SEMA6D: variants seen among roughly 807,000 people sequenced by gnomAD.
SEMA6D encodes the protein semaphorin-6D.
In SEMA6D, 35 loss-of-function variants were observed where a neutral mutation model predicts 106.6. That is an observed-to-expected ratio of 0.33 (90% CI 0.25 to 0.44). The LOEUF (loss-of-function observed/expected upper bound fraction) is 0.44. Ranked by LOEUF, SEMA6D falls within the 20% of genes least tolerant of loss-of-function variation. The pLI is 1.00. For missense variants in SEMA6D, 1,185 were observed against 1,345.9 expected (o/e 0.88, Z 1.87); for synonymous variants, 499 against 487.7 (o/e 1.02, Z -0.31).
At chr15:47,676,555 G>T (rs1193252951) in intron 4 of SEMA6D, among the ~76,000 whole-genome samples, 1 of 152,122 alleles carries the variant, frequency 6.6e-6, no homozygotes, top group African/African-American at 2.4e-5. Context: ...TACAATTTCT[G>T]CAATTTTACG....
chr15:47,392,966 G>A (rs1239758416), intron 1 of SEMA6D, among the ~76,000 whole-genome samples: 1 of 152,196 alleles, frequency 6.6e-6, no homozygotes, highest in Non-Finnish European at 1.5e-5. Context: ...GCACCTGCAT[G>A]TGGCATATTG....
At chr15:47,281,965 A>G (rs2035144414) in intron 1 of SEMA6D, among the ~76,000 whole-genome samples, 1 of 152,316 alleles carries the variant, frequency 6.6e-6, no homozygotes, top group Admixed American at 6.5e-5. Context: ...AGCTGAATCA[A>G]TTAATTCAGC....
intron 4 of SEMA6D, among the ~76,000 whole-genome samples, chr15:47,621,977 C>T (rs1301917145): frequency 6.6e-6 from 1 of 152,016 alleles, no homozygotes; most frequent in Non-Finnish European, 1.5e-5. Context: ...GTTGCTGTCT[C>T]CTAAAAGTGT....
chr15:47,246,241 G>C (rs1191814574), intron 1 of SEMA6D, among the ~76,000 whole-genome samples: 1 of 152,168 alleles, frequency 6.6e-6, no homozygotes, highest in African/African-American at 2.4e-5. Flanking sequence ...CAAGCAATTA[G>C]TGGGGAGCCA....
intron 18 of SEMA6D, among the ~76,000 whole-genome samples, chr15:47,769,859 C>T (rs1037346662): frequency 3.3e-5 from 5 of 151,798 alleles, no homozygotes; most frequent in African/African-American, 1.2e-4. Context: ...TAGTATGTTT[C>T]CTTAGACTGT....
chr15:47,396,568 A>C (rs1049177044), intron 1 of SEMA6D: 2 of 152,224 alleles, frequency 1.3e-5, no homozygotes, highest in African/African-American at 4.8e-5. Context: ...AGCATCCAGC[A>C]TGGGAGAAAG....
chr15:47,503,043 T>C (rs1427737315), intron 3 of SEMA6D, among the ~76,000 whole-genome samples: 1 of 152,230 alleles, frequency 6.6e-6, no homozygotes, highest in African/African-American at 2.4e-5. Context: ...GGTGTCCACT[T>C]TATTAACTAT....
intron 3 of SEMA6D, among the ~76,000 whole-genome samples, chr15:47,483,271 T>C (rs1400928528): frequency 1.3e-5 from 2 of 152,150 alleles, no homozygotes; most frequent in African/African-American, 4.8e-5. Context: ...TCACTAGCCA[T>C]AGACCCTTCA....
At chr15:47,592,214 G>A (rs923112208) in intron 3 of SEMA6D, among the ~76,000 whole-genome samples, 2 of 152,046 alleles carry the variant, frequency 1.3e-5, no homozygotes, top group Admixed American at 6.6e-5. Flanking sequence ...TTCATACTTC[G>A]TAGGCCACAA....
rs148015316 is a variant in SEMA6D at position 47,543,463 on chromosome 15, C to T, written c.-86-57402C>T. Among the ~76,000 whole-genome samples, 356 of 152,242 alleles carry T rather than the reference C, an allele frequency of 2.3e-3. 1 individual carries two copies. Among genetic ancestry groups the T allele is most frequent in the African/African-American group, 8.4e-3 (349 of 41,542 alleles). On this transcript the variant is annotated intron_variant, in intron 3 of 19. Transcript: ENST00000558014. ...GTAAGATGTGACTTTGCTCCTCATTCGCCTTCAGCCATGATTGTGAGGCCT... is the reference window on the plus strand; with the variant it reads ...GTAAGATGTGACTTTGCTCCTCATTTGCCTTCAGCCATGATTGTGAGGCCT...
chr15:47,427,249 TG>T (rs1262605525), intron 2 of SEMA6D, among the ~76,000 whole-genome samples: 1 of 152,074 alleles, frequency 6.6e-6, no homozygotes, highest in Non-Finnish European at 1.5e-5. Flanking sequence ...CAGAAGGTGT[TG>T]ATCAATAGAG....
intron 1 of SEMA6D, among the ~76,000 whole-genome samples, chr15:47,246,964 A>G (rs1453280932): frequency 1.3e-5 from 2 of 152,114 alleles, no homozygotes; most frequent in East Asian, 3.9e-4. Flanking sequence ...TTTGACATCT[A>G]TTTCTCATCT....
chr15:47,556,603 A>G (rs1596312859), intron 3 of SEMA6D, among the ~76,000 whole-genome samples: 1 of 151,926 alleles, frequency 6.6e-6, no homozygotes, highest in African/African-American at 2.4e-5. Context: ...GTTATTGTCT[A>G]TGGGTCATGC....
At chr15:47,513,345 A>G (rs1311040858) in intron 3 of SEMA6D, among the ~76,000 whole-genome samples, 2 of 152,166 alleles carry the variant, frequency 1.3e-5, no homozygotes, top group Non-Finnish European at 2.9e-5. Flanking sequence ...ATTCACATAT[A>G]TATACTCTGG....
At chr15:47,574,023 A>G (rs772211591) in intron 3 of SEMA6D, among the ~76,000 whole-genome samples, 5 of 152,222 alleles carry the variant, frequency 3.3e-5, no homozygotes, top group Non-Finnish European at 5.9e-5. Context: ...CCCACAGAGT[A>G]TGCCATTTTC....
chr15:47,250,710 G>A (rs146273605), intron 1 of SEMA6D, among the ~76,000 whole-genome samples: 1,781 of 152,300 alleles, frequency 0.012, 32 homozygotes, highest in Admixed American at 0.012. Flanking sequence ...AAGATGTGCC[G>A]TAGAAAGTGG....
intron 2 of SEMA6D, among the ~76,000 whole-genome samples, chr15:47,457,316 T>C (rs1444522112): frequency 2.0e-5 from 3 of 151,750 alleles, no homozygotes; most frequent in Non-Finnish European, 2.9e-5. Context: ...GACTTACTTA[T>C]ACACACAAAG....
chr15:47,381,774 G>T (rs281261), intron 1 of SEMA6D, among the ~76,000 whole-genome samples: 92,716 of 152,058 alleles, frequency 0.61, 30,137 homozygotes, highest in Non-Finnish European at 0.72. Context: ...GTTTTAAACT[G>T]TAACATTTTA....
intron 3 of SEMA6D, among the ~76,000 whole-genome samples, chr15:47,532,318 A>G (rs1394227362): frequency 1.3e-5 from 2 of 152,246 alleles, no homozygotes; most frequent in Non-Finnish European, 2.9e-5. Flanking sequence ...GAAAGAATAC[A>G]GTAAAATCTC....
Sources: allele counts gnomAD v4.1 joint callset (sites outside exome capture counted in the v4.1 genomes callset), GRCh38; gene constraint gnomAD v4.1.1; transcripts MANE v1.5; gene names NCBI Gene and HGNC (gene_info 2026-07-23, HGNC 2026-07-21).